The following PIEZO2 variants were observed in gnomAD, a reference collection of about 807,000 sequenced individuals.
The protein encoded by PIEZO2 is piezo-type mechanosensitive ion channel component 2.
In PIEZO2, 172 loss-of-function variants were observed where a neutral mutation model predicts 337.3. The ratio of observed to expected loss-of-function variants is 0.51; its 90% CI spans 0.45 to 0.58. The LOEUF (loss-of-function observed/expected upper bound fraction) is 0.58, where lower values mean the gene tolerates loss of function less well. Among genes scored for constraint, PIEZO2 ranks in the 20% least tolerant of loss-of-function variants. The pLI is 0.00. For synonymous variants in PIEZO2, 1,251 were observed against 1,228.5 expected (o/e 1.02, Z -0.38); for missense variants, 3,028 against 3,391.3 (o/e 0.89, Z 2.66).
rs1317494915 is a variant in PIEZO2, at chr18:10,729,638, A to AAG, written c.5029+1767_5029+1768dup. Among the ~76,000 whole-genome samples the AAG allele has an allele frequency of 4.4e-5, 6 of 136,862 alleles. No individual in the cohort carries two copies. The East Asian group carries it at 7.8e-4, about 18-fold the overall frequency. 89.8% of individuals were successfully genotyped at this position (136,862 alleles called of 152,430 possible). ...GACTCTGTCTCAAAAAAAAAAAAAA[A>AAG]AGAAAAGAAACAAAATACAACAGAT... On this transcript the variant is annotated intron_variant, in intron 36 of 55. Transcript: ENST00000674853.
intron 2 of PIEZO2, among the ~76,000 whole-genome samples, chr18:10,985,948 T>A (rs1259637986): frequency 6.6e-6 from 1 of 151,220 alleles, no homozygotes; most frequent in African/African-American, 2.4e-5. Context: ...GCCGAATGGA[T>A]AAAAAAAAAT....
intron 36 of PIEZO2, among the ~76,000 whole-genome samples, chr18:10,730,098 T>C (rs1918675): frequency 0.32 from 48,245 of 152,150 alleles, 8,350 homozygotes; most frequent in East Asian, 0.54. Flanking sequence ...AGTACTGCTA[T>C]AGAATAAGCC....
intron 2 of PIEZO2, among the ~76,000 whole-genome samples, chr18:11,005,641 A>T (rs1337198822): frequency 6.6e-6 from 1 of 152,172 alleles, no homozygotes; most frequent in Non-Finnish European, 1.5e-5. Context: ...ATGCATTCCC[A>T]GTGGCGTGAG....
chr18:10,734,698 G>A (rs2036928101), intron 35 of PIEZO2, among the ~76,000 whole-genome samples: 1 of 152,214 alleles, frequency 6.6e-6, no homozygotes, highest in African/African-American at 2.4e-5. Flanking sequence ...CCCTAGCATG[G>A]ATCTGTGGGA....
chr18:11,114,716 A>G (rs554889832), intron 1 of PIEZO2, among the ~76,000 whole-genome samples: 1 of 152,236 alleles, frequency 6.6e-6, no homozygotes, highest in Non-Finnish European at 1.5e-5. Context: ...ATATTTGAAA[A>G]GAGAGCTAGT....
chr18:10,839,562 C>T (rs1327993440), intron 7 of PIEZO2, among the ~76,000 whole-genome samples: 1 of 152,130 alleles, frequency 6.6e-6, no homozygotes, highest in Admixed American at 6.5e-5. Context: ...CAGACCACTT[C>T]ATGTGCTGGC....
At chr18:10,690,115 C>T (rs935185207) in intron 48 of PIEZO2, among the ~76,000 whole-genome samples, 22 of 147,964 alleles carry the variant, frequency 1.5e-4, no homozygotes, top group African/African-American at 5.4e-4. Context: ...TGTTACGAGA[C>T]CCTTGGCCAT....
At position 10,803,202 on chromosome 18, in the gene PIEZO2, C is replaced by T. The variant is rs377625194; in HGVS notation, c.1200+673G>A. ...GCTGTCATGTCAGGTGTTGGTGAGT[C>T]GGAAACTGCTGTTTCAGTGAGTTAC... On this transcript the variant is annotated intron_variant, in intron 9 of 55. Coordinates refer to ENST00000674853, the MANE Select transcript of PIEZO2 (RefSeq NM_001378183.1). Among the ~76,000 whole-genome samples, 15 of 152,228 alleles carry T rather than the reference C, an allele frequency of 9.9e-5. No individual in the cohort carries two copies. The East Asian group carries it at 1.2e-3, about 12-fold the overall frequency.
chr18:10,679,680 T>C (rs998417373), intron 52 of PIEZO2, among the ~76,000 whole-genome samples: 1 of 152,202 alleles, frequency 6.6e-6, no homozygotes, highest in Non-Finnish European at 1.5e-5. Context: ...CACTTCCTTT[T>C]CCATGGAAGA....
chr18:11,076,554 G>GA (rs1555707212), intron 1 of PIEZO2, among the ~76,000 whole-genome samples: 7 of 149,940 alleles, frequency 4.7e-5, no homozygotes, highest in African/African-American at 1.7e-4. Context: ...ATCTTAGTTT[G>GA]TTTTTTTTTG....
At chr18:11,019,500 A>G (rs1429459701) in intron 2 of PIEZO2, among the ~76,000 whole-genome samples, 1 of 152,154 alleles carries the variant, frequency 6.6e-6, no homozygotes, top group Non-Finnish European at 1.5e-5. Context: ...AATTCTCAGC[A>G]TGACTGGCTG....
chr18:10,691,214 G>T lies in PIEZO2; in HGVS notation c.7349+11C>A, dbSNP rs762367478. 5.6e-6 allele frequency: 9 copies of T among 1,610,362 alleles called. No homozygotes were observed. In the East Asian group the frequency reaches 1.3e-4, roughly 24 times the overall value. ...CCCCATAAGTGACTGTGACGTTGCA[G>T]AGCGTCCTACCCTTGGAATAAGAAG... is the stretch of plus-strand genomic sequence containing the variant. On this transcript the variant is annotated intron_variant, in intron 48 of 55. Transcript: ENST00000674853.
Position 10,878,102 on chromosome 18 carries a change from C to T in PIEZO2, c.330-6687G>A, listed in dbSNP as rs957549810. ...ATAGAATGGACCGCCATCCCTCCCA[C>T]ATCCTCCATCAGTAGATGTTTAACA... On this transcript the variant is annotated intron_variant, in intron 4 of 55. Transcript: ENST00000674853. This position sits in a 1 kb window ranked among gnomAD's most constrained non-coding sequence, Gnocchi z 4.3. Among the ~76,000 whole-genome samples, 1 of 152,184 alleles carries T rather than the reference C, an allele frequency of 6.6e-6. No homozygotes were observed. The highest frequency in any genetic ancestry group is 1.5e-5 in the Non-Finnish European group (1 of 68,038).
At chr18:11,142,583 C>T (rs1043430219) in intron 1 of PIEZO2, among the ~76,000 whole-genome samples, 1 of 151,788 alleles carries the variant, frequency 6.6e-6, no homozygotes, top group Admixed American at 6.6e-5. Context: ...AGTTCAAAAC[C>T]AGCCTGGCCA....
intron 16 of PIEZO2, among the ~76,000 whole-genome samples, chr18:10,786,632 T>G (rs2144130546): frequency 6.6e-6 from 1 of 152,368 alleles, no homozygotes; most frequent in South Asian, 2.1e-4. Flanking sequence ...AATTTATTTC[T>G]TTTTGGCGCT....
chr18:10,762,737 G>C, intron 22 of PIEZO2, 112 bp from the exon 23 acceptor site: 1 of 1,375,802 alleles, frequency 7.3e-7, no homozygotes, highest in Non-Finnish European at 9.7e-7. Context: ...GGGAGGGACA[G>C]GCCCATTTCA....
rs552749958 is a variant in PIEZO2, at chr18:10,945,403, G to A, written c.286+34132C>T. ...GAGAACAGTGCCCACCTTTCTCACA[G>A]AGGAATACTGTCTACATTGAGTAGA... On this transcript the variant is annotated intron_variant, in intron 3 of 55. Coordinates refer to ENST00000674853, the MANE Select transcript of PIEZO2 (RefSeq NM_001378183.1). The surrounding 1 kb of genome is among the most constrained non-coding windows in gnomAD (Gnocchi z 4.0). 0.016 allele frequency among the ~76,000 whole-genome samples: 2,451 copies of A among 152,230 alleles called. 72 individuals carry two copies. The highest frequency in any genetic ancestry group is 0.055 in the African/African-American group (2,272 of 41,534).
At chr18:10,978,007 C>A (rs1419820614) in intron 3 of PIEZO2, among the ~76,000 whole-genome samples, 2 of 152,042 alleles carry the variant, frequency 1.3e-5, no homozygotes, top group Non-Finnish European at 2.9e-5. Flanking sequence ...GATAGCTGCA[C>A]AACCTTTGAA....
In PIEZO2 at chr18:10,821,182, A is replaced by G. The variant is rs1452965256; in HGVS notation, c.918-13908T>C. Among the ~76,000 whole-genome samples, 5 of 152,132 alleles carry G rather than the reference A, an allele frequency of 3.3e-5. No homozygotes were observed. Among genetic ancestry groups the G allele is most frequent in the Non-Finnish European group, 7.4e-5 (5 of 68,018 alleles). On this transcript the variant is annotated intron_variant, in intron 7 of 55. Coordinates refer to ENST00000674853, the MANE Select transcript of PIEZO2 (RefSeq NM_001378183.1). The surrounding 1 kb of genome is among the most constrained non-coding windows in gnomAD (Gnocchi z 4.2). ...TCAGCTCAGCAAGACCACCATGCTCAGTTTGGATTCCCTTCCCCACATAAT... is the reference window on the plus strand; with the variant it reads ...TCAGCTCAGCAAGACCACCATGCTCGGTTTGGATTCCCTTCCCCACATAAT...
Sources: gnomAD v4.1 joint callset for allele counts (sites outside exome capture counted in the v4.1 genomes callset) on GRCh38, gnomAD v4.1.1 for gene constraint, Gnocchi (gnomAD v3.1) non-coding constraint, MANE v1.5 for transcripts, NCBI Gene and HGNC (gene_info 2026-07-23, HGNC 2026-07-21) for gene names.